The following KSR1 variants were observed in gnomAD, a reference collection of about 807,000 sequenced individuals.
The protein encoded by KSR1 is kinase suppressor of ras.
A neutral mutation model predicts 92.9 loss-of-function variants in KSR1; 35 were observed. The ratio of observed to expected loss-of-function variants is 0.38; its 90% confidence interval spans 0.29 to 0.50. The LOEUF (loss-of-function observed/expected upper bound fraction) is 0.50, where lower values mean the gene tolerates loss of function less well. KSR1 is among the 20% of genes least tolerant of loss of function. The pLI is 0.94. For synonymous variants in KSR1, 467 were observed against 472.6 expected (o/e 0.99, Z 0.15); for missense variants, 972 against 1,158.5 (o/e 0.84, Z 2.34).
In KSR1 at chr17:27,532,886, A is replaced by G. The variant is rs16966192; in HGVS notation, c.232-17682A>G. Reference sequence around the variant, plus strand: ...GTCAGCCTTCAAACTGTGGAAGGTCAGACCCAGCGCCTCAAGCCTGGAGGG... The same window carrying G: ...GTCAGCCTTCAAACTGTGGAAGGTCGGACCCAGCGCCTCAAGCCTGGAGGG... On this transcript the variant is annotated intron_variant, in intron 1 of 20. Coordinates refer to ENST00000644974, the MANE Select transcript of KSR1 (RefSeq NM_001394583.1). Among the ~76,000 whole-genome samples the G allele has an allele frequency of 4.9e-3, 748 of 152,302 alleles. 15 individuals carry two copies. In the East Asian group the frequency reaches 0.057, roughly 12 times the overall value.
In KSR1 at chr17:27,585,939, A is replaced by G. The variant is rs1410786709; in HGVS notation, c.985+278A>G. The G allele has an allele frequency of 6.0e-6, 3 of 497,688 alleles. No individual in the cohort carries two copies. The East Asian group carries it at 1.0e-4, about 17-fold the overall frequency. 30.8% of individuals were successfully genotyped at this position (497,688 alleles called of 1,614,324 possible). On this transcript the variant is annotated intron_variant, in intron 5 of 20. Transcript: ENST00000644974. ...CAGCCCCATGAAGAGCCCTGTCTCC[A>G]CCTTGCCCTTCCCCACCGAGACTCT...
chr17:27,506,831 T>C (rs1335986777), intron 1 of KSR1, among the ~76,000 whole-genome samples: 1 of 152,088 alleles, frequency 6.6e-6, no homozygotes, highest in Non-Finnish European at 1.5e-5. Context: ...AGCTTTTTCA[T>C]AGCCTGACAA....
intron 2 of KSR1, among the ~76,000 whole-genome samples, chr17:27,576,527 AG>A (rs1216250861): frequency 6.6e-6 from 1 of 152,162 alleles, no homozygotes; most frequent in African/African-American, 2.4e-5. Context: ...TGATGCTGTG[AG>A]ATGATAAAGT....
At chr17:27,565,624 C>T (rs574731766) in intron 2 of KSR1, among the ~76,000 whole-genome samples, 1 of 152,224 alleles carries the variant, frequency 6.6e-6, no homozygotes, top group East Asian at 1.9e-4. Context: ...AGGCTTTTGC[C>T]ATGTTGCCCA....
chr17:27,564,738 C>A (rs1195917920), intron 2 of KSR1, among the ~76,000 whole-genome samples: 2 of 36,656 alleles, frequency 5.5e-5, no homozygotes, highest in South Asian at 9.8e-4. Flanking sequence ...GATGGAAGAC[C>A]CCCCCCCCCC....
At chr17:27,517,740 G>A (rs2069859315) in intron 1 of KSR1, among the ~76,000 whole-genome samples, 1 of 152,186 alleles carries the variant, frequency 6.6e-6, no homozygotes, top group African/African-American at 2.4e-5. Flanking sequence ...TCCTGGGTGA[G>A]CTCAGAGAAT....
At chr17:27,574,052 T>C (rs950702798) in intron 2 of KSR1, among the ~76,000 whole-genome samples, 2 of 152,164 alleles carry the variant, frequency 1.3e-5, no homozygotes, top group Non-Finnish European at 2.9e-5. Flanking sequence ...TCTATCATCA[T>C]CTGGGCAAAC....
At chr17:27,521,994 A>T (rs2151022375) in intron 1 of KSR1, among the ~76,000 whole-genome samples, 1 of 152,304 alleles carries the variant, frequency 6.6e-6, no homozygotes, top group Middle Eastern at 3.4e-3. Context: ...ACATGACATC[A>T]CAAGTATTTA....
At chr17:27,494,195 A>G (rs947233904) in intron 1 of KSR1, among the ~76,000 whole-genome samples, 2 of 152,142 alleles carry the variant, frequency 1.3e-5, no homozygotes, top group African/African-American at 2.4e-5. Flanking sequence ...AAAAGTGGAG[A>G]TGATTTTTTT....
At chr17:27,558,708 T>G (rs895500225) in intron 2 of KSR1, among the ~76,000 whole-genome samples, 5 of 152,052 alleles carry the variant, frequency 3.3e-5, no homozygotes, top group Non-Finnish European at 5.9e-5. Flanking sequence ...TTTTTGTTTT[T>G]TTTTTTTTTC....
chr17:27,528,000 A>G (rs1388976006), intron 1 of KSR1, among the ~76,000 whole-genome samples: 1 of 152,206 alleles, frequency 6.6e-6, no homozygotes, highest in Non-Finnish European at 1.5e-5. Context: ...TTTATTGGTC[A>G]GTAGAAAAGG....
intron 6 of KSR1, 22 bp from the exon 7 acceptor site, chr17:27,590,789 T>G (rs906114710): frequency 1.2e-6 from 2 of 1,600,982 alleles, no homozygotes; most frequent in African/African-American, 2.7e-5. Context: ...TGCAAACATG[T>G]GCCTGTGTCC....
intron 1 of KSR1, among the ~76,000 whole-genome samples, chr17:27,503,425 C>T (rs1362383455): frequency 2.6e-5 from 4 of 152,110 alleles, no homozygotes; most frequent in African/African-American, 9.7e-5. Flanking sequence ...TGATCTAGGC[C>T]GGGTGGCTCC....
intron 1 of KSR1, among the ~76,000 whole-genome samples, chr17:27,484,322 C>T (rs944213681): frequency 2.6e-5 from 4 of 152,206 alleles, no homozygotes; most frequent in Non-Finnish European, 4.4e-5. Flanking sequence ...ACCTCTGCCT[C>T]CCAGGTTCAA....
chr17:27,497,053 C>A (rs958490013), intron 1 of KSR1, among the ~76,000 whole-genome samples: 1 of 152,234 alleles, frequency 6.6e-6, no homozygotes, highest in African/African-American at 2.4e-5. Flanking sequence ...GGCTTTTCCT[C>A]CTTCCCTGTT....
intron 1 of KSR1, among the ~76,000 whole-genome samples, chr17:27,496,737 A>G (rs981488870): frequency 6.6e-6 from 1 of 152,236 alleles, no homozygotes; most frequent in Non-Finnish European, 1.5e-5. Context: ...AGTGGCCCTC[A>G]GGATTTGCAG....
At chr17:27,526,834 G>C (rs1256196989) in intron 1 of KSR1, 1 of 757,902 alleles carries the variant, frequency 1.3e-6, no homozygotes, top group South Asian at 1.7e-5. Flanking sequence ...CCTCCTCCGG[G>C]GGGAGGGGTG....
intron 1 of KSR1, among the ~76,000 whole-genome samples, chr17:27,534,004 GGTC>G (rs1164478259): frequency 6.6e-6 from 1 of 152,130 alleles, no homozygotes; most frequent in East Asian, 1.9e-4. Context: ...CCACTATCCA[GGTC>G]TGGAGAGTAG....
chr17:27,623,609 G>A lies in KSR1; in HGVS notation c.*217G>A. ...CACCACCAACAACCAAACCTGTCAT[G>A]ACAGACAGCAAATGTTTACACGTAT... On this transcript the variant is annotated 3_prime_UTR_variant, in exon 21 of 21. Transcript: ENST00000644974. 1 of 624,032 alleles carries A rather than the reference G, an allele frequency of 1.6e-6. No individual in the cohort carries two copies. Among genetic ancestry groups the A allele is most frequent in the Non-Finnish European group, 2.8e-6 (1 of 353,296 alleles). 38.7% of individuals were successfully genotyped at this position (624,032 alleles called of 1,614,324 possible). A position where few individuals can be genotyped will look rare whatever the true frequency, so the allele number is the denominator to read the frequency against.
Sources: allele counts gnomAD v4.1 joint callset (sites outside exome capture counted in the v4.1 genomes callset), GRCh38; gene constraint gnomAD v4.1.1; transcripts MANE v1.5; gene names NCBI Gene and HGNC (gene_info 2026-07-23, HGNC 2026-07-21).